GRB14: variants seen among roughly 807,000 people sequenced by gnomAD.
GRB14 encodes growth factor receptor-bound protein 14.
Under a neutral mutation model 69.1 loss-of-function variants are expected in GRB14, and 38 were observed. That is an observed-to-expected ratio of 0.55 (90% CI 0.42 to 0.72). The LOEUF is 0.72. Among genes scored for constraint, GRB14 ranks in the 30% least tolerant of loss-of-function variants. The pLI is 0.00. For missense variants in GRB14, 666 were observed against 666.1 expected (o/e 1.00, Z 0.00); for synonymous variants, 247 against 241.3 (o/e 1.02, Z -0.22).
intron 12 of GRB14, 21 bp downstream of exon 12, chr2:164,496,987 A>C (rs1226870990): frequency 6.3e-7 from 1 of 1,592,500 alleles, no homozygotes; most frequent in South Asian, 1.1e-5. Flanking sequence ...AAGTACTCAA[A>C]ATTAAAAATA....
At chr2:164,548,399 T>C (rs1464426108) in intron 2 of GRB14, among the ~76,000 whole-genome samples, 2 of 152,214 alleles carry the variant, frequency 1.3e-5, no homozygotes, top group African/African-American at 2.4e-5. Flanking sequence ...TGTGTGTGTG[T>C]GTGTAATGCA....
At chr2:164,598,336 T>C (rs1251613712) in intron 2 of GRB14, among the ~76,000 whole-genome samples, 1 of 152,224 alleles carries the variant, frequency 6.6e-6, no homozygotes, top group Non-Finnish European at 1.5e-5. Flanking sequence ...ATTGTTTCTA[T>C]GGGAAAATGC....
intron 6 of GRB14, among the ~76,000 whole-genome samples, chr2:164,513,714 T>C (rs1168664890): frequency 6.6e-6 from 1 of 152,156 alleles, no homozygotes; most frequent in Non-Finnish European, 1.5e-5. Flanking sequence ...CCTAGTAATA[T>C]AGCAGGGAAA....
Position 164,551,801 on chromosome 2 carries a change from A to T in GRB14, c.325-3985T>A, listed in dbSNP as rs150648004. Among the ~76,000 whole-genome samples, 237 of 152,230 alleles carry T rather than the reference A, an allele frequency of 1.6e-3. 1 individual carries two copies. The highest frequency in any genetic ancestry group is 3.8e-4 in the Non-Finnish European group (26 of 68,018). On this transcript the variant is annotated intron_variant, in intron 2 of 13. Coordinates refer to ENST00000263915, the MANE Select transcript of GRB14 (RefSeq NM_004490.3). The stretch of plus-strand genomic sequence containing the variant: ...TCTCATTTTGTAACTTTTTGTTTGC[A>T]TGTCTTTCTCCCCAGCTATGTGTCT...
Position 164,619,653 on chromosome 2 carries a change from A to C in GRB14, c.324+34T>G, listed in dbSNP as rs375845437. ...AGACTGTATGGATTCAGAACTCCTA[A>C]GATTTTTGAAATTTAAAATTTAAAA... On this transcript the variant is annotated intron_variant, in intron 2 of 13. Transcript: ENST00000263915. 14 of 1,490,336 alleles carry C rather than the reference A, an allele frequency of 9.4e-6. No homozygotes were observed. The African/African-American group carries it at 1.5e-4, about 16-fold the overall frequency. The allele number at this position is 1,490,336 out of a possible 1,614,324, so 92.3% of individuals were successfully genotyped here. A position where few individuals can be genotyped will look rare whatever the true frequency, so the allele number is the denominator to read the frequency against.
intron 6 of GRB14, among the ~76,000 whole-genome samples, chr2:164,509,624 C>T (rs960449256): frequency 6.6e-6 from 1 of 152,054 alleles, no homozygotes; most frequent in Non-Finnish European, 1.5e-5. Flanking sequence ...CATTTGTTCT[C>T]TAAAACCTTG....
chr2:164,505,329 C>T (rs1417554462), intron 8 of GRB14, among the ~76,000 whole-genome samples: 1 of 152,186 alleles, frequency 6.6e-6, no homozygotes, highest in Non-Finnish European at 1.5e-5. Flanking sequence ...GTGTATTTCA[C>T]CCATTTTTAG....
At chr2:164,578,119 G>A (rs2105335491) in intron 2 of GRB14, among the ~76,000 whole-genome samples, 1 of 152,154 alleles carries the variant, frequency 6.6e-6, no homozygotes. Flanking sequence ...TGTAATTCCA[G>A]CTACCCAGGA....
At chr2:164,501,659 T>C (rs765501231) in intron 9 of GRB14, among the ~76,000 whole-genome samples, 20 of 152,126 alleles carry the variant, frequency 1.3e-4, no homozygotes, top group Non-Finnish European at 2.2e-4. Flanking sequence ...AGAGTTAATG[T>C]AACACACGAC....
chr2:164,525,095 G>A lies in GRB14; in HGVS notation c.604-17C>T, dbSNP rs1450555857. On this transcript the variant is annotated splice_polypyrimidine_tract_variant and intron_variant, in intron 4 of 13. Transcript: ENST00000263915. ...AAAAAAATACTGTCAAAAAGACACA[G>A]TTAAATTATCACAAAATTCATGCTA... is the stretch of plus-strand genomic sequence containing the variant. 4 of 1,468,774 alleles carry A rather than the reference G, an allele frequency of 2.7e-6. No homozygotes were observed. Among genetic ancestry groups the A allele is most frequent in the Admixed American group, 1.8e-5 (1 of 54,270 alleles). The allele number at this position is 1,468,774 out of a possible 1,614,324, so 91.0% of individuals were successfully genotyped here. A position where few individuals can be genotyped will look rare whatever the true frequency, so the allele number is the denominator to read the frequency against.
At chr2:164,541,108 T>C (rs1688225249) in intron 3 of GRB14, among the ~76,000 whole-genome samples, 1 of 152,118 alleles carries the variant, frequency 6.6e-6, no homozygotes, top group Non-Finnish European at 1.5e-5. Flanking sequence ...TATGAATAAT[T>C]TTGTTTACTT....
At chr2:164,580,432 C>T (rs548229493) in intron 2 of GRB14, among the ~76,000 whole-genome samples, 7 of 148,044 alleles carry the variant, frequency 4.7e-5, no homozygotes, top group African/African-American at 1.2e-4. Context: ...AGGCTGGGCG[C>T]GGTGGCTCAT....
intron 2 of GRB14, among the ~76,000 whole-genome samples, chr2:164,566,048 A>C (rs1479151484): frequency 2.0e-5 from 3 of 152,160 alleles, no homozygotes; most frequent in African/African-American, 4.8e-5. Context: ...ATTATTTGTC[A>C]AGGGCCACTC....
chr2:164,603,902 C>G (rs561427121), intron 2 of GRB14, among the ~76,000 whole-genome samples: 1 of 152,194 alleles, frequency 6.6e-6, no homozygotes, highest in South Asian at 2.1e-4. Flanking sequence ...AGGATTCTTA[C>G]AAGTCATTTT....
chr2:164,601,526 G>T (rs1485726828), intron 2 of GRB14, among the ~76,000 whole-genome samples: 10 of 152,142 alleles, frequency 6.6e-5, no homozygotes, highest in Non-Finnish European at 1.3e-4. Flanking sequence ...GCAGGGCTGG[G>T]ATTGAAATCT....
chr2:164,544,649 C>G (rs1688321557), intron 3 of GRB14, among the ~76,000 whole-genome samples: 1 of 152,064 alleles, frequency 6.6e-6, no homozygotes, highest in South Asian at 2.1e-4. Context: ...TCATATTGGC[C>G]AGTATGACAT....
intron 9 of GRB14, among the ~76,000 whole-genome samples, 174 bp from the exon 10 acceptor site, chr2:164,497,664 C>T (rs531609221): frequency 1.3e-4 from 20 of 152,210 alleles, no homozygotes; most frequent in African/African-American, 4.3e-4. Flanking sequence ...AGTGAAAATA[C>T]ATATTCAAGA....
At chr2:164,536,976 G>A (rs967775046) in intron 3 of GRB14, among the ~76,000 whole-genome samples, 4 of 152,144 alleles carry the variant, frequency 2.6e-5, no homozygotes, top group Admixed American at 2.6e-4. Flanking sequence ...AATTGCCCAA[G>A]GGGTGTATGA....
intron 6 of GRB14, among the ~76,000 whole-genome samples, chr2:164,516,038 T>C (rs1687474980): frequency 6.6e-6 from 1 of 151,442 alleles, no homozygotes; most frequent in Non-Finnish European, 1.5e-5. Flanking sequence ...ATTTAAAAGA[T>C]GAACAAAGCC....
Sources: gnomAD v4.1 joint callset for allele counts (sites outside exome capture counted in the v4.1 genomes callset) on GRCh38, gnomAD v4.1.1 for gene constraint, MANE v1.5 for transcripts, NCBI Gene and HGNC (gene_info 2026-07-23, HGNC 2026-07-21) for gene names.